Variants in NRG1 observed in about 807,000 individuals in gnomAD.
NRG1 encodes pro-neuregulin-1, membrane-bound isoform.
NRG1 carries 18 observed loss-of-function variants against 63.8 expected under a neutral mutation model. The ratio of observed to expected loss-of-function variants is 0.28; its 90% confidence interval spans 0.19 to 0.42. The LOEUF is 0.42. Among genes scored for constraint, NRG1 ranks in the 10% least tolerant of loss-of-function variants. The pLI, the probability that NRG1 is intolerant of heterozygous loss-of-function variation, is 1.00. For synonymous variants in NRG1, 302 were observed against 301.3 expected (o/e 1.00, Z -0.02); for missense variants, 762 against 814.7 (o/e 0.94, Z 0.79).
At chr8:32,135,646 T>A (rs1835412019) in intron 1 of NRG1, among the ~76,000 whole-genome samples, 1 of 152,122 alleles carries the variant, frequency 6.6e-6, no homozygotes, top group Non-Finnish European at 1.5e-5. Context: ...TTTTTAGCCA[T>A]GTTTACATTT....
At chr8:32,380,940 A>T (rs1291885901) in intron 1 of NRG1, among the ~76,000 whole-genome samples, 1 of 152,146 alleles carries the variant, frequency 6.6e-6, no homozygotes. Context: ...TTTTCCAGCT[A>T]TGTTGAAATG....
chr8:32,236,802 T>C (rs1847608705), intron 1 of NRG1, among the ~76,000 whole-genome samples: 1 of 152,320 alleles, frequency 6.6e-6, no homozygotes, highest in Non-Finnish European at 1.5e-5. Flanking sequence ...AGGATTACTT[T>C]GGCTGTCCCC....
intron 1 of NRG1, among the ~76,000 whole-genome samples, chr8:31,725,104 T>C (rs1279484968): frequency 6.6e-6 from 1 of 152,200 alleles, no homozygotes; most frequent in African/African-American, 2.4e-5. Flanking sequence ...TTTCAAAATA[T>C]AAAAAATGAC....
At chr8:32,633,051 A>G (rs918049170) in intron 5 of NRG1, among the ~76,000 whole-genome samples, 26 of 151,982 alleles carry the variant, frequency 1.7e-4, no homozygotes, top group Admixed American at 1.6e-3. Flanking sequence ...TTGATTTTTG[A>G]CTACTTTTTT....
chr8:32,290,708 C>T (rs1385632340), intron 1 of NRG1, among the ~76,000 whole-genome samples: 1 of 152,170 alleles, frequency 6.6e-6, no homozygotes, highest in Non-Finnish European at 1.5e-5. Flanking sequence ...AACTCCCATC[C>T]TCATAGTCAT....
chr8:32,335,621 G>C (rs1239321095), intron 1 of NRG1, among the ~76,000 whole-genome samples: 1 of 152,110 alleles, frequency 6.6e-6, no homozygotes, highest in Admixed American at 6.5e-5. Context: ...AAAAGAGTAG[G>C]AAAAAAGACC....
rs879107754 is a variant in NRG1 at position 32,727,902 on chromosome 8, G to A, written c.503-47G>A. 5.0e-6 allele frequency: 8 copies of A among 1,592,790 alleles called. No individual in the cohort carries two copies. In the African/African-American group the frequency reaches 5.4e-5, roughly 11 times the overall value. On this transcript the variant is annotated intron_variant, in intron 5 of 11. Coordinates refer to ENST00000356819, the Ensembl canonical transcript of NRG1. ...TTTAAGATTAAAGGCTGCTTAGAAG[G>A]GGGAAAAAAAGTCCATGTTAACCTT...
intron 1 of NRG1, among the ~76,000 whole-genome samples, chr8:32,469,181 T>G (rs1283508011): frequency 6.6e-6 from 1 of 152,032 alleles, no homozygotes; most frequent in East Asian, 1.9e-4. Context: ...GATTGAGAAG[T>G]GATATAACAG....
chr8:31,843,261 G>T (rs1826364740), intron 1 of NRG1, among the ~76,000 whole-genome samples: 1 of 152,170 alleles, frequency 6.6e-6, no homozygotes, highest in South Asian at 2.1e-4. Context: ...TGTTGTAGTG[G>T]CTGGAAGGGA....
intron 1 of NRG1, among the ~76,000 whole-genome samples, chr8:32,483,251 T>C (rs1288409759): frequency 6.6e-6 from 1 of 152,230 alleles, no homozygotes; most frequent in Non-Finnish European, 1.5e-5. Context: ...AAGCACAGCC[T>C]GGCTAGAGAG....
intron 1 of NRG1, among the ~76,000 whole-genome samples, chr8:32,484,850 A>G (rs1283439802): frequency 6.6e-6 from 1 of 152,210 alleles, no homozygotes; most frequent in Admixed American, 6.5e-5. Context: ...ATATGAATTA[A>G]AATTTTAGCC....
At chr8:32,217,585 A>G (rs7012466) in intron 1 of NRG1, among the ~76,000 whole-genome samples, 6,360 of 152,330 alleles carry the variant, frequency 0.042, 201 homozygotes, top group Middle Eastern at 0.092. Flanking sequence ...ACATTTTTAA[A>G]CAAATAAATA....
chr8:32,220,235 C>A (rs1024143828), intron 1 of NRG1, among the ~76,000 whole-genome samples: 1 of 152,092 alleles, frequency 6.6e-6, no homozygotes, highest in Admixed American at 6.5e-5. Context: ...TTAAAAATGT[C>A]TTTCTTATTT....
At chr8:31,692,111 G>A (rs1809593255) in intron 1 of NRG1, among the ~76,000 whole-genome samples, 1 of 152,228 alleles carries the variant, frequency 6.6e-6, no homozygotes, top group Admixed American at 6.5e-5. Context: ...GGGATTACAG[G>A]TGTGAGCCAC....
chr8:31,802,129 C>T (rs1319259034), intron 1 of NRG1, among the ~76,000 whole-genome samples: 1 of 152,210 alleles, frequency 6.6e-6, no homozygotes, highest in Non-Finnish European at 1.5e-5. Context: ...ATTGGGTCCT[C>T]CATTTATATT....
At chr8:32,232,367 G>A (rs2129469116) in intron 1 of NRG1, among the ~76,000 whole-genome samples, 1 of 152,214 alleles carries the variant, frequency 6.6e-6, no homozygotes, top group South Asian at 2.1e-4. Context: ...TTCTCTGATT[G>A]TTCTACAGCT....
intron 1 of NRG1, among the ~76,000 whole-genome samples, chr8:31,946,846 T>C (rs1226248521): frequency 6.6e-6 from 1 of 152,206 alleles, no homozygotes; most frequent in East Asian, 1.9e-4. Flanking sequence ...GTCATTTAAA[T>C]GAAGAGGATA....
At chr8:32,129,836 A>G (rs1834570825) in intron 1 of NRG1, among the ~76,000 whole-genome samples, 2 of 151,982 alleles carry the variant, frequency 1.3e-5, no homozygotes, top group East Asian at 1.9e-4. Context: ...ATGTTGTGCA[A>G]AAACCCCAAA....
At chr8:32,497,804 AATTTT>A (rs1008947594) in intron 1 of NRG1, among the ~76,000 whole-genome samples, 2 of 152,148 alleles carry the variant, frequency 1.3e-5, no homozygotes, top group Admixed American at 6.5e-5. Context: ...AGAGGCACAC[AATTTT>A]ATTTTATTTT....
Sources: allele counts gnomAD v4.1 joint callset (sites outside exome capture counted in the v4.1 genomes callset), GRCh38; gene constraint gnomAD v4.1.1; transcripts MANE v1.5; gene names NCBI Gene and HGNC (gene_info 2026-07-23, HGNC 2026-07-21).